Variants in MED24 observed in about 807,000 individuals in gnomAD.
MED24 encodes mediator of RNA polymerase II transcription subunit 24.
MED24 carries 74 observed loss-of-function variants against 118.8 expected under a neutral mutation model. That is an observed-to-expected ratio of 0.62 (90% CI 0.52 to 0.76). The LOEUF (loss-of-function observed/expected upper bound fraction) is 0.76, where lower values mean the gene tolerates loss of function less well. MED24 is among the 30% of genes least tolerant of loss of function. The pLI, the probability that MED24 is intolerant of heterozygous loss-of-function variation, is 0.00. For missense variants in MED24, 1,041 were observed against 1,278.9 expected, an observed-to-expected ratio of 0.81 and a Z score of 2.84; for synonymous variants, 521 against 523.9, an observed-to-expected ratio of 0.99 and a Z score of 0.08.
intron 14 of MED24, 50 bp from the exon 15 acceptor site, chr17:40,027,996 T>C: frequency 1.9e-6 from 3 of 1,586,502 alleles, no homozygotes; most frequent in Non-Finnish European, 2.6e-6. Flanking sequence ...AGCTGAGCAG[T>C]AGCTGGGCGC....
At chr17:40,020,507 G>T in intron 23 of MED24, 154 bp from the exon 24 acceptor site, 1 of 1,518,706 alleles carries the variant, frequency 6.6e-7, no homozygotes, top group Non-Finnish European at 8.9e-7. Flanking sequence ...ACAAAGGGAG[G>T]CCAGGTACAG....
chr17:40,023,065 C>T, intron 20 of MED24, 66 bp downstream of exon 20: 1 of 1,553,050 alleles, frequency 6.4e-7, no homozygotes, highest in Non-Finnish European at 8.7e-7. Context: ...CCTGGCAGAC[C>T]AGGCCAGGTG....
intron 23 of MED24, 31 bp downstream of exon 23, chr17:40,021,924 G>T: frequency 6.8e-7 from 1 of 1,478,204 alleles, no homozygotes; most frequent in East Asian, 2.4e-5. Context: ...CCCAGGAAAA[G>T]GAGCGGCGCG....
intron 3 of MED24, among the ~76,000 whole-genome samples, chr17:40,052,150 A>G (rs145717905): frequency 0.012 from 1,859 of 150,038 alleles, 47 homozygotes; most frequent in African/African-American, 0.044. Flanking sequence ...AAAATTAGCC[A>G]GGCGTGATGG....
rs1981742042 is a variant in MED24, at chr17:40,019,905, G to A, written c.2733C>T (p.Ile911=). The A allele has an allele frequency of 6.4e-7, 1 of 1,571,058 alleles. No individual in the cohort carries two copies. The highest frequency in any genetic ancestry group is 1.3e-5 in the African/African-American group (1 of 74,188). ...GGGGGCCAGCGGTGCGAGACCCCAG[G>A]ATGGAGGAGATGAGCAGGAACAGGT... ...LANLFLLISS[I]LGSRTAGPHT... is the part of the protein sequence containing the mutation. The change falls in exon 25 of 26, where the codon ATC becomes ATT. Residue 911 remains isoleucine (I), a synonymous_variant. Coordinates refer to ENST00000394128, the MANE Select transcript of MED24 (RefSeq NM_014815.4).
chr17:40,043,231 C>T (rs1018868025), intron 3 of MED24, among the ~76,000 whole-genome samples: 2 of 152,226 alleles, frequency 1.3e-5, no homozygotes, highest in African/African-American at 2.4e-5. Context: ...CCACCACACC[C>T]GGCCTGTTGT....
In MED24 at chr17:40,032,289, A is replaced by T. The variant is rs1434525981; in HGVS notation, c.937-199T>A. On this transcript the variant is annotated intron_variant, in intron 9 of 25. Transcript: ENST00000394128. ...TGATGCCCCCAGGCCTAGGCACAGG[A>T]CACAAGCACCCTGCACCTCCGCTAG... 8.1e-6 allele frequency: 5 copies of T among 617,234 alleles called. No homozygotes were observed. The East Asian group carries it at 1.4e-4, about 17-fold the overall frequency. 38.2% of individuals were successfully genotyped at this position (617,234 alleles called of 1,614,324 possible). A position where few individuals can be genotyped will look rare whatever the true frequency, so the allele number is the denominator to read the frequency against.
chr17:40,051,136 C>CAAAAAA (rs1224890104), intron 3 of MED24, among the ~76,000 whole-genome samples: 1 of 81,762 alleles, frequency 1.2e-5, no homozygotes, highest in Non-Finnish European at 2.3e-5. Context: ...GACTCTGTCT[C>CAAAAAA]AAAAAAAAAA....
chr17:40,035,418 C>G (rs970534035), intron 5 of MED24, 69 bp from the exon 6 acceptor site: 8 of 1,450,872 alleles, frequency 5.5e-6, no homozygotes, highest in Non-Finnish European at 7.4e-6. Flanking sequence ...ATCAATGTTC[C>G]CCAGAGTCCC....
At chr17:40,020,820 C>T (rs1379639818) in intron 23 of MED24, among the ~76,000 whole-genome samples, 2 of 151,992 alleles carry the variant, frequency 1.3e-5, no homozygotes, top group African/African-American at 4.8e-5. Context: ...CGCCTGTAAT[C>T]CCAGCACTTT....
chr17:40,040,571 C>A (rs1984452110), intron 3 of MED24, among the ~76,000 whole-genome samples: 1 of 151,840 alleles, frequency 6.6e-6, no homozygotes, highest in Admixed American at 6.6e-5. Context: ...AACCACCACC[C>A]CATCTCTGCT....
chr17:40,019,997 G>C, intron 24 of MED24, 64 bp from the exon 25 acceptor site: 1 of 1,505,638 alleles, frequency 6.6e-7, no homozygotes, highest in African/African-American at 1.4e-5. Context: ...GTCACACTCT[G>C]GGAGAAGGTG....
intron 1 of MED24, 67 bp downstream of exon 1, chr17:40,054,294 T>C (rs1158709787): frequency 6.5e-6 from 1 of 153,686 alleles, no homozygotes; most frequent in Non-Finnish European, 1.5e-5. Context: ...TCCTCCACCT[T>C]CTCCAGCCCT....
chr17:40,041,339 G>A (rs1325188305), intron 3 of MED24, among the ~76,000 whole-genome samples: 2 of 152,076 alleles, frequency 1.3e-5, no homozygotes, highest in Non-Finnish European at 2.9e-5. Flanking sequence ...AGACTCCTAT[G>A]AGGAATTATC....
Position 40,027,501 on chromosome 17 carries a change from G to C in MED24, c.1448-36C>G, listed in dbSNP as rs752092457. 13 of 1,578,168 alleles carry C rather than the reference G, an allele frequency of 8.2e-6. No homozygotes were observed. The South Asian group carries it at 1.3e-4, about 15-fold the overall frequency. ...ACGGGAAGGCTGAGCTCCCAGACGA[G>C]GGCAGGGGGGAGCCCGTGTCTGGGT... On this transcript the variant is annotated intron_variant, in intron 15 of 25. Coordinates refer to ENST00000394128, the MANE Select transcript of MED24 (RefSeq NM_014815.4).
At chr17:40,037,596 T>A (rs968319931) in intron 3 of MED24, among the ~76,000 whole-genome samples, 1 of 152,168 alleles carries the variant, frequency 6.6e-6, no homozygotes, top group African/African-American at 2.4e-5. Context: ...ATATGGTTAT[T>A]TAAATTTAAA....
intron 3 of MED24, among the ~76,000 whole-genome samples, chr17:40,043,981 T>C (rs1267277169): frequency 6.6e-6 from 1 of 150,434 alleles, no homozygotes; most frequent in Non-Finnish European, 1.5e-5. Context: ...ATACAAAGAT[T>C]AGCCGGGCGT....
At chr17:40,034,701 A>C (rs1983745159) in intron 6 of MED24, among the ~76,000 whole-genome samples, 1 of 152,226 alleles carries the variant, frequency 6.6e-6, no homozygotes, top group Non-Finnish European at 1.5e-5. Flanking sequence ...TCTGCTTCCA[A>C]GCGATGAGTA....
intron 19 of MED24, among the ~76,000 whole-genome samples, chr17:40,025,269 C>T (rs1982510348): frequency 2.6e-5 from 4 of 152,076 alleles, no homozygotes; most frequent in African/African-American, 9.7e-5. Context: ...TCACTCAAGG[C>T]CAGGAGTTCA....
Sources: gnomAD v4.1 joint callset for allele counts (sites outside exome capture counted in the v4.1 genomes callset) on GRCh38, gnomAD v4.1.1 for gene constraint, MANE v1.5 for transcripts, NCBI Gene and HGNC (gene_info 2026-07-23, HGNC 2026-07-21) for gene names.